TOGARAM1: variants seen among roughly 807,000 people sequenced by gnomAD.
The protein encoded by TOGARAM1 is TOG array regulator of axonemal microtubules protein 1.
TOGARAM1 carries 100 observed loss-of-function variants against 166.6 expected under a neutral mutation model. The observed-to-expected ratio is 0.60, with a 90% confidence interval of 0.51 to 0.71. The LOEUF is 0.71. Ranked by LOEUF, TOGARAM1 falls within the 30% of genes least tolerant of loss-of-function variation. The pLI, the probability that TOGARAM1 is intolerant of heterozygous loss-of-function variation, is 0.00. For missense variants in TOGARAM1, 2,029 were observed against 2,102.7 expected, an observed-to-expected ratio of 0.96 and a Z score of 0.69; for synonymous variants, 758 against 763.8, an observed-to-expected ratio of 0.99 and a Z score of 0.13.
chr14:45,008,239 CTTTTTTTT>C (rs762193120), intron 5 of TOGARAM1: 1 of 134,138 alleles, frequency 7.5e-6, no homozygotes, highest in African/African-American at 2.7e-5. Context: ...TCTGGATTTC[CTTTTTTTT>C]TTTTTTTTTG....
chr14:44,966,970 AC>A (rs1244263309), intron 1 of TOGARAM1, among the ~76,000 whole-genome samples: 1 of 152,084 alleles, frequency 6.6e-6, no homozygotes, highest in African/African-American at 2.4e-5. Flanking sequence ...ACAAAATAAA[AC>A]AAAACAAGAG....
chr14:45,013,867 T>C (rs568904569), intron 7 of TOGARAM1, among the ~76,000 whole-genome samples: 45 of 152,276 alleles, frequency 3.0e-4, no homozygotes, highest in African/African-American at 9.6e-4. Context: ...GAACCCACTT[T>C]TGGAAGAGTA....
intron 10 of TOGARAM1, among the ~76,000 whole-genome samples, chr14:45,029,736 CT>C: frequency 6.6e-6 from 1 of 152,254 alleles, no homozygotes; most frequent in South Asian, 2.1e-4. Context: ...CTTCTAGAAA[CT>C]ATTTTAACAA....
rs764122155 is a variant in TOGARAM1, at chr14:44,963,315, T to G, written c.894T>G (p.Arg298=). The change falls in exon 1 of 20, where the codon CGT becomes CGG. Residue 298 remains arginine, a synonymous_variant. Coordinates refer to ENST00000361462, the MANE Select transcript of TOGARAM1 (RefSeq NM_001308120.2). Reference sequence around the variant, plus strand: ...ACAGGTTTCAATCTTACATTTCTCGTCTGCCCTCTGCCCTGAGGAGACACT... The same window carrying G: ...ACAGGTTTCAATCTTACATTTCTCGGCTGCCCTCTGCCCTGAGGAGACACT... ...GQDRFQSYIS[R]LPSALRRHYN... 1.2e-6 allele frequency: 2 copies of G among 1,614,062 alleles called. No individual in the cohort carries two copies. The highest frequency in any genetic ancestry group is 2.7e-5 in the African/African-American group (2 of 74,920).
chr14:44,978,156 C>T (rs1005544404), intron 1 of TOGARAM1: 3 of 152,128 alleles, frequency 2.0e-5, no homozygotes, highest in Non-Finnish European at 4.4e-5. Context: ...GAAAAGAGGG[C>T]ACTGATAAAA....
chr14:44,990,019 C>T (rs1036702561), intron 1 of TOGARAM1, among the ~76,000 whole-genome samples: 1 of 152,166 alleles, frequency 6.6e-6, no homozygotes, highest in Non-Finnish European at 1.5e-5. Flanking sequence ...ATCATGAGAA[C>T]AGCATGGGGG....
rs970632190 is a variant in TOGARAM1, at chr14:44,962,300, G to A, written c.-122G>A. On this transcript the variant is annotated 5_prime_UTR_variant, in exon 1 of 20. Coordinates refer to ENST00000361462, the MANE Select transcript of TOGARAM1 (RefSeq NM_001308120.2). ...GTTGGGGGCGGCCTGGCGGCAGGCT[G>A]AAGCTGTTCTTTTGCCTCTTCTGCA... is the stretch of plus-strand genomic sequence containing the variant. 7.8e-7 allele frequency: 1 copy of A among 1,278,122 alleles called. No individual in the cohort carries two copies. Among genetic ancestry groups the A allele is most frequent in the African/African-American group, 1.5e-5 (1 of 65,838 alleles). 79.2% of individuals were successfully genotyped at this position (1,278,122 alleles called of 1,614,324 possible). A position where few individuals can be genotyped will look rare whatever the true frequency, so the allele number is the denominator to read the frequency against.
At chr14:44,989,903 AAGG>A (rs1887039292) in intron 1 of TOGARAM1, among the ~76,000 whole-genome samples, 1 of 152,192 alleles carries the variant, frequency 6.6e-6, no homozygotes, top group Admixed American at 6.5e-5. Context: ...ATCATAGTGG[AAGG>A]AGAAGAGGCA....
chr14:45,019,423 A>G (rs1212659389), intron 7 of TOGARAM1, among the ~76,000 whole-genome samples: 1 of 152,124 alleles, frequency 6.6e-6, no homozygotes, highest in Non-Finnish European at 1.5e-5. Flanking sequence ...TGATTGACAC[A>G]TAAAACTAAC....
Position 45,017,383 on chromosome 14 carries a change from A to G in TOGARAM1, c.3238+5308A>G, listed in dbSNP as rs527329236. 2.7e-5 allele frequency among the ~76,000 whole-genome samples: 4 copies of G among 150,538 alleles called. No individual in the cohort carries two copies. The South Asian group carries it at 8.4e-4, about 32-fold the overall frequency. On this transcript the variant is annotated intron_variant, in intron 7 of 19. Transcript: ENST00000361462. Reference sequence around the variant, plus strand: ...TTCTGCTGACTTCTGCCCCCAGGAAATGCACCAGATACATGCACACAAAAC... The same window carrying G: ...TTCTGCTGACTTCTGCCCCCAGGAAGTGCACCAGATACATGCACACAAAAC...
In TOGARAM1 at chr14:45,025,813, GT is replaced by G; in HGVS notation, c.3273del (p.Phe1091LeufsTer14). On this transcript the variant is annotated frameshift_variant, in exon 8 of 20. Transcript: ENST00000361462. LOFTEE classifies it high-confidence loss of function. The part of the protein sequence containing the change: ...GSSSNPQQIS[S>X]FDFTTTKALS... ...TCATCAAATCCACAGCAAATTTCCA[GT>G]TTTGACTTCACAACCACAAAGGCTT... 6.2e-7 allele frequency: 1 copy of G among 1,610,152 alleles called. No individual in the cohort carries two copies. Among genetic ancestry groups the G allele is most frequent in the African/African-American group, 1.3e-5 (1 of 74,896 alleles).
chr14:45,054,033 G>A (rs568943804), intron 15 of TOGARAM1, among the ~76,000 whole-genome samples: 16 of 152,052 alleles, frequency 1.1e-4, no homozygotes, highest in African/African-American at 3.9e-4. Context: ...ACCATGCCCA[G>A]CTAGTTTTTG....
Position 45,022,637 on chromosome 14 carries a change from CTA to C in TOGARAM1, c.3239-3144_3239-3143del, listed in dbSNP as rs1880588664. The stretch of plus-strand genomic sequence containing the variant: ...GGCTAGCCATCCTGAGGGGAGGAAA[CTA>C]TGTCCTCATGAGGTTCCCCATTCAT... On this transcript the variant is annotated intron_variant, in intron 7 of 19. Transcript: ENST00000361462. Among the ~76,000 whole-genome samples, 3 of 151,824 alleles carry C rather than the reference CTA, an allele frequency of 2.0e-5. No individual in the cohort carries two copies. The South Asian group carries it at 6.3e-4, about 32-fold the overall frequency.
intron 1 of TOGARAM1, among the ~76,000 whole-genome samples, chr14:44,967,050 C>T: frequency 6.6e-6 from 1 of 151,622 alleles, no homozygotes; most frequent in East Asian, 1.9e-4. Context: ...CCATTTTTTT[C>T]AGAAGTCCTA....
intron 1 of TOGARAM1, among the ~76,000 whole-genome samples, chr14:44,994,914 A>G (rs945433974): frequency 6.6e-6 from 1 of 152,214 alleles, no homozygotes; most frequent in East Asian, 1.9e-4. Context: ...AGTTCACCAC[A>G]TCTAGATTTG....
intron 14 of TOGARAM1, among the ~76,000 whole-genome samples, chr14:45,049,771 G>T (rs1376090813): frequency 6.6e-6 from 1 of 151,854 alleles, no homozygotes; most frequent in Non-Finnish European, 1.5e-5. Context: ...ATTCAAGAGG[G>T]TTAGATCATT....
chr14:45,045,087 G>A (rs113928066), intron 13 of TOGARAM1, among the ~76,000 whole-genome samples: 11 of 151,690 alleles, frequency 7.3e-5, no homozygotes, highest in African/African-American at 1.5e-4. Context: ...TTTGTCCCTC[G>A]GGCACCTTGC....
In TOGARAM1 at chr14:45,045,543, G is replaced by GTGTGTGTGTATATATA. The variant is rs1457434775; in HGVS notation, c.4154+674_4154+675insGTGTGTGTATATATAT. ...GAGTAGTATTCCATGGTCTGTGTGT[G>GTGTGTGTGTATATATA]TATATATATATATATATATATATAT... is the stretch of plus-strand genomic sequence containing the variant. On this transcript the variant is annotated intron_variant, in intron 13 of 19. Coordinates refer to ENST00000361462, the MANE Select transcript of TOGARAM1 (RefSeq NM_001308120.2). Among the ~76,000 whole-genome samples, 3 of 38,922 alleles carry GTGTGTGTGTATATATA rather than the reference G, an allele frequency of 7.7e-5. 1 individual carries two copies. Among genetic ancestry groups the GTGTGTGTGTATATATA allele is most frequent in the African/African-American group, 2.8e-4 (3 of 10,858 alleles). 25.5% of individuals were successfully genotyped at this position (38,922 alleles called of 152,430 possible).
chr14:45,003,698 T>G (rs1191862844), intron 3 of TOGARAM1, among the ~76,000 whole-genome samples: 1 of 137,488 alleles, frequency 7.3e-6, no homozygotes, highest in Admixed American at 7.1e-5. Flanking sequence ...TAAAAACATT[T>G]TTAGTTCTAG....
Sources: gnomAD v4.1 joint callset for allele counts (sites outside exome capture counted in the v4.1 genomes callset) on GRCh38, gnomAD v4.1.1 for gene constraint, MANE v1.5 for transcripts, NCBI Gene and HGNC (gene_info 2026-07-23, HGNC 2026-07-21) for gene names.